RGS7: variants seen among roughly 807,000 people sequenced by gnomAD.
RGS7 encodes the protein regulator of G protein signaling 7.
In RGS7, 27 loss-of-function variants were observed where a neutral mutation model predicts 81.1. The observed-to-expected ratio is 0.33, with a 90% CI of 0.25 to 0.46. The LOEUF is 0.46. Ranked by LOEUF, RGS7 falls within the 20% of genes least tolerant of loss-of-function variation. RGS7 has a pLI of 1.00. For synonymous variants in RGS7, 208 were observed against 207.7 expected, an observed-to-expected ratio of 1.00 and a Z score of -0.01; for missense variants, 396 against 607.4, an observed-to-expected ratio of 0.65 and a Z score of 3.66.
At chr1:241,249,891 T>C (rs1400557782) in intron 2 of RGS7, among the ~76,000 whole-genome samples, 2 of 152,168 alleles carry the variant, frequency 1.3e-5, no homozygotes, top group Admixed American at 6.6e-5. Flanking sequence ...TGGAATTTCA[T>C]GTGGCAGTTA....
chr1:240,965,688 G>A (rs902709481), intron 4 of RGS7, among the ~76,000 whole-genome samples: 2 of 152,152 alleles, frequency 1.3e-5, no homozygotes, highest in Non-Finnish European at 2.9e-5. Flanking sequence ...CTTGTAAAGG[G>A]CTGGGTGGGA....
At chr1:241,115,964 G>A (rs1437479932) in intron 2 of RGS7, among the ~76,000 whole-genome samples, 1 of 152,064 alleles carries the variant, frequency 6.6e-6, no homozygotes, top group Non-Finnish European at 1.5e-5. Context: ...AATATCTCAT[G>A]GATTAAAAGT....
chr1:240,960,457 G>C (rs1384700446), intron 4 of RGS7, among the ~76,000 whole-genome samples: 1 of 150,254 alleles, frequency 6.7e-6, no homozygotes, highest in African/African-American at 2.4e-5. Context: ...TCACAGGCTG[G>C]TCTTGAAGTC....
chr1:240,905,478 C>T (rs964646299), intron 6 of RGS7, among the ~76,000 whole-genome samples: 6 of 152,152 alleles, frequency 3.9e-5, no homozygotes, highest in Non-Finnish European at 5.9e-5. Flanking sequence ...ATCTCAAAAT[C>T]AGATTCCATT....
At chr1:241,258,164 A>C (rs1245633534) in intron 2 of RGS7, among the ~76,000 whole-genome samples, 1 of 152,130 alleles carries the variant, frequency 6.6e-6, no homozygotes, top group Non-Finnish European at 1.5e-5. Context: ...ATTTAGATTT[A>C]TGGAAGCTGG....
At chr1:240,896,910 C>T (rs1669187731) in intron 6 of RGS7, among the ~76,000 whole-genome samples, 1 of 152,144 alleles carries the variant, frequency 6.6e-6, no homozygotes, top group Non-Finnish European at 1.5e-5. Context: ...TTCTTCCTAT[C>T]CATGAGCATG....
chr1:241,351,451 T>C (rs2083245529), intron 2 of RGS7, among the ~76,000 whole-genome samples: 5 of 149,094 alleles, frequency 3.4e-5, no homozygotes, highest in Admixed American at 2.7e-4. Flanking sequence ...AATGGAGCAA[T>C]CTTAACCCTA....
chr1:241,329,354 T>A (rs1037517882), intron 2 of RGS7, among the ~76,000 whole-genome samples: 5 of 152,208 alleles, frequency 3.3e-5, no homozygotes, highest in African/African-American at 1.2e-4. Context: ...AAGAAAAGCA[T>A]TCTGTCAATA....
rs576168912 is a variant in RGS7, at chr1:240,862,149, A to AT, written c.609+6437dup. Among the ~76,000 whole-genome samples the AT allele has an allele frequency of 3.4e-4, 52 of 151,304 alleles. No homozygotes were observed. In the East Asian group the frequency reaches 6.6e-3, roughly 19 times the overall value. The stretch of plus-strand genomic sequence containing the variant: ...AGTCCTTTTTAGTGTTATGACCTTA[A>AT]TTTTTTTTTCTGGAGTAAATGTTGA... On this transcript the variant is annotated intron_variant, in intron 9 of 18. Transcript: ENST00000440928.
At chr1:241,186,207 C>G (rs1344385048) in intron 2 of RGS7, among the ~76,000 whole-genome samples, 1 of 152,120 alleles carries the variant, frequency 6.6e-6, no homozygotes, top group Non-Finnish European at 1.5e-5. Context: ...CTTAACCACA[C>G]TCTGACTCAC....
intron 3 of RGS7, among the ~76,000 whole-genome samples, chr1:241,006,537 G>A (rs1159290693): frequency 6.6e-6 from 1 of 152,158 alleles, no homozygotes; most frequent in East Asian, 1.9e-4. Flanking sequence ...GAAAAGTTCT[G>A]TAAAGGAAAA....
intron 4 of RGS7, among the ~76,000 whole-genome samples, chr1:240,972,177 A>T (rs1276363408): frequency 1.3e-5 from 2 of 152,140 alleles, no homozygotes. Flanking sequence ...TGCCTCTCTT[A>T]TGGTTGCCCG....
chr1:241,192,252 C>T (rs1328013181), intron 2 of RGS7, among the ~76,000 whole-genome samples: 2 of 124,676 alleles, frequency 1.6e-5, no homozygotes, highest in African/African-American at 3.2e-5. Context: ...TCTGTCTGCA[C>T]GTGTGTGTGT....
rs371011820 is a variant in RGS7, at chr1:241,260,894, G to A, written c.78+94805C>T. ...GACAGTTTTTTCATGGACACAGGAA[G>A]AGGAACATCACACTCTGGGGACTGT... On this transcript the variant is annotated intron_variant, in intron 2 of 18. Transcript: ENST00000440928. Among the ~76,000 whole-genome samples, 51 of 141,264 alleles carry A rather than the reference G, an allele frequency of 3.6e-4. No homozygotes were observed. The East Asian group carries it at 0.01, about 28-fold the overall frequency. 92.7% of individuals were successfully genotyped at this position (141,264 alleles called of 152,430 possible).
chr1:240,889,766 G>C (rs1667980699), intron 6 of RGS7, among the ~76,000 whole-genome samples: 1 of 152,100 alleles, frequency 6.6e-6, no homozygotes. Context: ...CTAGAGATCA[G>C]TCTGATATGA....
intron 18 of RGS7, among the ~76,000 whole-genome samples, chr1:240,797,211 C>A (rs1284786845): frequency 6.6e-6 from 1 of 152,184 alleles, no homozygotes; most frequent in Non-Finnish European, 1.5e-5. Context: ...GTGAGTCACA[C>A]AGCTGGCACT....
intron 9 of RGS7, among the ~76,000 whole-genome samples, chr1:240,863,046 T>G (rs927386602): frequency 1.3e-5 from 2 of 152,052 alleles, no homozygotes; most frequent in Admixed American, 6.5e-5. Context: ...CTCGAACTCC[T>G]GGCCGCAAGG....
chr1:241,029,638 C>A (rs963283750), intron 3 of RGS7, among the ~76,000 whole-genome samples: 5 of 152,182 alleles, frequency 3.3e-5, no homozygotes, highest in Non-Finnish European at 7.4e-5. Flanking sequence ...ATCCCAGGGT[C>A]TTATTTACCA....
intron 3 of RGS7, among the ~76,000 whole-genome samples, chr1:241,072,731 C>T (rs1286662178): frequency 1.3e-5 from 2 of 152,100 alleles, no homozygotes; most frequent in East Asian, 3.9e-4. Context: ...CCTGTCTTTT[C>T]TCGAGGGGAC....
Sources: allele counts gnomAD v4.1 joint callset (sites outside exome capture counted in the v4.1 genomes callset), GRCh38; gene constraint gnomAD v4.1.1; transcripts MANE v1.5; gene names NCBI Gene and HGNC (gene_info 2026-07-23, HGNC 2026-07-21).